The following CMTM8 variants were observed in gnomAD, a reference collection of about 807,000 sequenced individuals.
CMTM8 encodes CKLF like MARVEL transmembrane domain containing 8, also known as CKLF-like MARVEL transmembrane domain-containing protein 8.
Under a neutral mutation model 18.6 loss-of-function variants are expected in CMTM8, and 12 were observed. That is an observed-to-expected ratio of 0.65 (90% CI 0.41 to 1.05). CMTM8 has a LOEUF of 1.05. CMTM8 is among the 50% of genes least tolerant of loss of function. CMTM8 has a pLI of 0.00. For missense variants in CMTM8, 217 were observed against 227.2 expected, an observed-to-expected ratio of 0.95 and a Z score of 0.29; for synonymous variants, 87 against 90.6, an observed-to-expected ratio of 0.96 and a Z score of 0.23.
At position 32,370,065 on chromosome 3, in the gene CMTM8, T is replaced by A; in HGVS notation, c.*98T>A. 1 of 629,620 alleles carries A rather than the reference T, an allele frequency of 1.6e-6. No homozygotes were observed. The highest frequency in any genetic ancestry group is 2.6e-6 in the Non-Finnish European group (1 of 380,242). 39.0% of individuals were successfully genotyped at this position (629,620 alleles called of 1,614,324 possible). Reference sequence around the variant, plus strand: ...ATATTCCCAGAGAATTGTATTTAACTAATTAATGTTTTTTATATTCTTAAA... The same window carrying A: ...ATATTCCCAGAGAATTGTATTTAACAAATTAATGTTTTTTATATTCTTAAA... On this transcript the variant is annotated 3_prime_UTR_variant, in exon 4 of 4. Transcript: ENST00000307526.
chr3:32,362,881 T>C (rs534847936), intron 2 of CMTM8, among the ~76,000 whole-genome samples: 1 of 152,294 alleles, frequency 6.6e-6, no homozygotes, highest in East Asian at 1.9e-4. Flanking sequence ...GGTGGGATCA[T>C]GTTATAACCA....
At chr3:32,316,586 G>A (rs935306899) in intron 1 of CMTM8, among the ~76,000 whole-genome samples, 1 of 152,346 alleles carries the variant, frequency 6.6e-6, no homozygotes, top group African/African-American at 2.4e-5. Flanking sequence ...GCCTGATGGA[G>A]ATGTTGAATC....
Position 32,318,023 on chromosome 3 carries a change from C to T in CMTM8, c.148-39350C>T, listed in dbSNP as rs1695962994. Among the ~76,000 whole-genome samples the T allele has an allele frequency of 2.7e-5, 4 of 147,508 alleles. No homozygotes were observed. In the South Asian group the frequency reaches 8.6e-4, roughly 32 times the overall value. On this transcript the variant is annotated intron_variant, in intron 1 of 3. Transcript: ENST00000307526. Reference sequence around the variant, plus strand: ...TGAGCCCAGGTCACGCCACTGCACTCCAGCCTGGGCAACAAGAACGAAACT... The same window carrying T: ...TGAGCCCAGGTCACGCCACTGCACTTCAGCCTGGGCAACAAGAACGAAACT...
intron 1 of CMTM8, among the ~76,000 whole-genome samples, chr3:32,288,045 TA>T (rs1441328366): frequency 1.3e-5 from 2 of 152,236 alleles, no homozygotes; most frequent in African/African-American, 4.8e-5. Context: ...TTACGGATCA[TA>T]AAACTAAAGT....
At position 32,238,858 on chromosome 3, in the gene CMTM8, C is replaced by G; in HGVS notation, c.-115C>G. 1 of 995,452 alleles carries G rather than the reference C, an allele frequency of 1.0e-6. No individual in the cohort carries two copies. The highest frequency in any genetic ancestry group is 3.5e-5 in the South Asian group (1 of 28,478). 61.7% of individuals were successfully genotyped at this position (995,452 alleles called of 1,614,324 possible). A position where few individuals can be genotyped will look rare whatever the true frequency, so the allele number is the denominator to read the frequency against. The stretch of plus-strand genomic sequence containing the variant: ...GGCGCCCCCCTCGCACCTCCTGCCC[C>G]GCGCGGGCCGCGCTCCCCTCCCCCG... On this transcript the variant is annotated 5_prime_UTR_variant, in exon 1 of 4. Coordinates refer to ENST00000307526, the MANE Select transcript of CMTM8 (RefSeq NM_178868.5).
intron 1 of CMTM8, among the ~76,000 whole-genome samples, chr3:32,332,825 C>T (rs189560923): frequency 1.0e-3 from 153 of 152,226 alleles, no homozygotes; most frequent in African/African-American, 3.5e-3. Flanking sequence ...GGCACTGTAC[C>T]CTCATTGGTC....
Position 32,280,948 on chromosome 3 carries a change from T to G in CMTM8, c.147+41829T>G, listed in dbSNP as rs984347862. ...GAGGGTGAGAGAGATTATCGTGACCTAAGGTCACAACCAGGAGGCGGCAGA... is the reference window on the plus strand; with the variant it reads ...GAGGGTGAGAGAGATTATCGTGACCGAAGGTCACAACCAGGAGGCGGCAGA... On this transcript the variant is annotated intron_variant, in intron 1 of 3. Coordinates refer to ENST00000307526, the MANE Select transcript of CMTM8 (RefSeq NM_178868.5). 4.7e-5 allele frequency among the ~76,000 whole-genome samples: 7 copies of G among 150,200 alleles called. No homozygotes were observed. In the South Asian group the frequency reaches 1.5e-3, roughly 32 times the overall value.
intron 1 of CMTM8, among the ~76,000 whole-genome samples, chr3:32,352,196 C>A: frequency 7.8e-6 from 1 of 127,802 alleles, no homozygotes; most frequent in African/African-American, 2.9e-5. Context: ...CACACACACA[C>A]ACACTCACAA....
At chr3:32,268,099 T>C (rs1702375784) in intron 1 of CMTM8, among the ~76,000 whole-genome samples, 1 of 152,230 alleles carries the variant, frequency 6.6e-6, no homozygotes. Flanking sequence ...ACTGGGTATA[T>C]ACCCAAAGGA....
intron 1 of CMTM8, among the ~76,000 whole-genome samples, chr3:32,270,033 C>G (rs889283251): frequency 2.0e-5 from 3 of 151,894 alleles, no homozygotes; most frequent in Non-Finnish European, 2.9e-5. Flanking sequence ...CTCAGCCTCT[C>G]AAAGTGTTGG....
intron 1 of CMTM8, among the ~76,000 whole-genome samples, chr3:32,262,206 C>G (rs1702269050): frequency 6.6e-6 from 1 of 152,144 alleles, no homozygotes; most frequent in African/African-American, 2.4e-5. Flanking sequence ...GAATGGGACG[C>G]TGGGATTTCA....
chr3:32,333,000 T>C (rs1696310603), intron 1 of CMTM8, among the ~76,000 whole-genome samples: 1 of 152,236 alleles, frequency 6.6e-6, no homozygotes, highest in South Asian at 2.1e-4. Flanking sequence ...GTGTTTTTAA[T>C]GTACATAGAT....
At chr3:32,260,657 A>AT (rs1309045535) in intron 1 of CMTM8, among the ~76,000 whole-genome samples, 1 of 124,884 alleles carries the variant, frequency 8.0e-6, no homozygotes, top group African/African-American at 3.4e-5. Flanking sequence ...CCCAGCTGTG[A>AT]TTTTTTTAAA....
In CMTM8 at chr3:32,238,989, GCGCC is replaced by G. The variant is rs915491324; in HGVS notation, c.21_24del (p.Ser9ThrfsTer67). ...GGCTCGACGATGGAGGAGCCGCAGC[GCGCC>G]CGCTCGCACACAGTCACCACCACCG... On this transcript the variant is annotated frameshift_variant, in exon 1 of 4. Coordinates refer to ENST00000307526, the MANE Select transcript of CMTM8 (RefSeq NM_178868.5). LOFTEE classifies it high-confidence loss of function. 2.6e-6 allele frequency: 4 copies of G among 1,550,268 alleles called. No homozygotes were observed. In the African/African-American group the frequency reaches 5.5e-5, roughly 21 times the overall value.
chr3:32,285,512 C>CAA (rs140584675), intron 1 of CMTM8, among the ~76,000 whole-genome samples: 88 of 100,596 alleles, frequency 8.7e-4, no homozygotes, highest in African/African-American at 2.7e-3. Context: ...GATTCTATCT[C>CAA]AAAAAAAAAA....
chr3:32,289,403 A>C (rs1234812770), intron 1 of CMTM8, among the ~76,000 whole-genome samples: 1 of 152,134 alleles, frequency 6.6e-6, no homozygotes, highest in Non-Finnish European at 1.5e-5. Flanking sequence ...CTTTTCCCCA[A>C]ATGAGTAGGA....
chr3:32,342,932 G>A (rs1262044529), intron 1 of CMTM8, among the ~76,000 whole-genome samples: 1 of 152,176 alleles, frequency 6.6e-6, no homozygotes, highest in African/African-American at 2.4e-5. Flanking sequence ...GGAAACTGAA[G>A]CTCAGGTTAG....
intron 1 of CMTM8, among the ~76,000 whole-genome samples, chr3:32,308,522 G>A (rs899423160): frequency 1.3e-5 from 2 of 152,162 alleles, no homozygotes; most frequent in African/African-American, 4.8e-5. Context: ...GTTGGAAAGG[G>A]CACTGGCATG....
At chr3:32,303,386 A>C (rs1379016109) in intron 1 of CMTM8, among the ~76,000 whole-genome samples, 1 of 152,224 alleles carries the variant, frequency 6.6e-6, no homozygotes. Context: ...TGATGCATCA[A>C]AATGTCTGAG....
Sources: gnomAD v4.1 joint callset for allele counts (sites outside exome capture counted in the v4.1 genomes callset) on GRCh38, gnomAD v4.1.1 for gene constraint, MANE v1.5 for transcripts, NCBI Gene and HGNC (gene_info 2026-07-23, HGNC 2026-07-21) for gene names.